Variants in VPS37A observed in about 807,000 individuals in gnomAD.
VPS37A encodes the protein VPS37A subunit of ESCRT-I, also known as vacuolar protein sorting-associated protein 37A.
In VPS37A, 30 loss-of-function variants were observed where a neutral mutation model predicts 49.8. That is an observed-to-expected ratio of 0.60 (90% CI 0.45 to 0.82). The LOEUF is 0.82. VPS37A is among the 40% of genes least tolerant of loss of function. The pLI, the probability that VPS37A is intolerant of heterozygous loss-of-function variation, is 0.00. For missense variants in VPS37A, 593 were observed against 464.4 expected, an observed-to-expected ratio of 1.28 and a Z score of -2.55; for synonymous variants, 195 against 160.6, an observed-to-expected ratio of 1.21 and a Z score of -1.62.
At chr8:17,328,981 T>C in the VPS37A span, among the ~76,000 whole-genome samples, 5 of 152,230 alleles carry the variant, frequency 3.3e-5, no homozygotes, top group Admixed American at 1.3e-4. Flanking sequence ...TAGATTTCAG[T>C]TTCTGATGAA....
chr8:17,248,598 T>G (rs1057003857), intron 1 of VPS37A, among the ~76,000 whole-genome samples: 29 of 152,184 alleles, frequency 1.9e-4, no homozygotes, highest in African/African-American at 6.8e-4. Flanking sequence ...AAAAATATTA[T>G]TTTCATACAG....
downstream of VPS37A, chr8:17,299,902 T>A: frequency 1.2e-6 from 2 of 1,614,158 alleles, no homozygotes; most frequent in Non-Finnish European, 1.7e-6. Flanking sequence ...ATCCCGGTCC[T>A]TGCCACTATC....
chr8:17,269,448 G>C (rs982882188), intron 4 of VPS37A, among the ~76,000 whole-genome samples: 1 of 151,948 alleles, frequency 6.6e-6, no homozygotes, highest in Non-Finnish European at 1.5e-5. Flanking sequence ...ATTTGGTTTG[G>C]TTTTGTTTTA....
intron 9 of VPS37A, among the ~76,000 whole-genome samples, chr8:17,280,706 C>T (rs1373712713): frequency 6.6e-6 from 1 of 151,864 alleles, no homozygotes; most frequent in East Asian, 1.9e-4. Flanking sequence ...AGTTATGAAA[C>T]CATTGTAACA....
intron 1 of VPS37A, among the ~76,000 whole-genome samples, chr8:17,265,519 C>G (rs1310172014): frequency 6.6e-6 from 1 of 152,188 alleles, no homozygotes; most frequent in African/African-American, 2.4e-5. Context: ...CCAGACTTCC[C>G]CAGCTGCCGA....
chr8:17,260,983 C>G (rs2150362299), intron 1 of VPS37A, among the ~76,000 whole-genome samples: 1 of 152,238 alleles, frequency 6.6e-6, no homozygotes, highest in South Asian at 2.1e-4. Flanking sequence ...GTGTATCTGA[C>G]CTTCCAGTAC....
the VPS37A span, chr8:17,326,495 C>T: frequency 6.6e-6 from 1 of 152,190 alleles, no homozygotes; most frequent in Non-Finnish European, 1.5e-5. Flanking sequence ...ACATCAGAAT[C>T]ACTACTCAAC....
the VPS37A span, among the ~76,000 whole-genome samples, chr8:17,315,711 AAAAAC>A: frequency 6.6e-6 from 1 of 152,174 alleles, no homozygotes; most frequent in Non-Finnish European, 1.5e-5. Context: ...CTTAAGAAAA[AAAAAC>A]AAAACAGAAA....
the VPS37A span, among the ~76,000 whole-genome samples, chr8:17,319,688 G>A: frequency 6.6e-6 from 1 of 152,130 alleles, no homozygotes. Flanking sequence ...TCTTGATTGT[G>A]GAAACCAATG....
At chr8:17,291,235 A>T (rs1816120391) in intron 11 of VPS37A, among the ~76,000 whole-genome samples, 1 of 150,646 alleles carries the variant, frequency 6.6e-6, no homozygotes, top group Non-Finnish European at 1.5e-5. Context: ...CTAGTCTTGA[A>T]CTCCTGACCT....
At chr8:17,256,190 C>T (rs1812430446) in intron 1 of VPS37A, among the ~76,000 whole-genome samples, 1 of 151,810 alleles carries the variant, frequency 6.6e-6, no homozygotes, top group Admixed American at 6.6e-5. Flanking sequence ...AATTTACATT[C>T]CCACCAGCAG....
chr8:17,263,851 G>A (rs1813188966), intron 1 of VPS37A, among the ~76,000 whole-genome samples: 1 of 152,240 alleles, frequency 6.6e-6, no homozygotes, highest in Admixed American at 6.5e-5. Flanking sequence ...TGAGGCAAGA[G>A]AATTGCTTGA....
intron 9 of VPS37A, among the ~76,000 whole-genome samples, chr8:17,284,179 A>G (rs1481610021): frequency 2.0e-5 from 3 of 152,230 alleles, no homozygotes; most frequent in Admixed American, 6.5e-5. Flanking sequence ...TCCTTAGCAT[A>G]TATCTACCAC....
chr8:17,331,209 T>C, the VPS37A span: 1 of 1,612,668 alleles, frequency 6.2e-7, no homozygotes, highest in African/African-American at 1.3e-5. Context: ...CCCGATAAAC[T>C]GAAACTTGAT....
the VPS37A span, among the ~76,000 whole-genome samples, chr8:17,328,295 C>T: frequency 6.6e-6 from 1 of 152,154 alleles, no homozygotes; most frequent in African/African-American, 2.4e-5. Flanking sequence ...TACACCTTTC[C>T]ACCTTCCTCT....
At position 17,284,495 on chromosome 8, in the gene VPS37A, A is replaced by T. The variant is rs1406395856; in HGVS notation, c.992A>T (p.Gln331Leu). Residue 331 changes from glutamine to leucine, a missense_variant, in exon 10 of 12, where the codon CAG (glutamine) becomes CTG (leucine). By Grantham distance (113) the Gln-to-Leu change is moderately radical (BLOSUM62 -2). Transcript: ENST00000324849. ...CAGAGCTGTAGTGCAAGTGCCCTTC[A>T]GGCAAGATTGAAAGTAGCTGCACAT... ...LSESCSASAL[Q>L]ARLKVAAHEA... is the part of the protein sequence containing the mutation. 1.3e-6 allele frequency: 2 copies of T among 1,593,994 alleles called. No individual in the cohort carries two copies. The highest frequency in any genetic ancestry group is 3.7e-5 in the Admixed American group (2 of 53,874).
At position 17,247,277 on chromosome 8, in the gene VPS37A, C is replaced by T. The variant is rs1811319386; in HGVS notation, c.33C>T (p.Ala11=). The change falls in exon 1 of 12, where the codon GCC becomes GCT. Residue 11 remains alanine (A), a synonymous_variant. Coordinates refer to ENST00000324849, the MANE Select transcript of VPS37A (RefSeq NM_152415.3). Reference sequence around the variant, plus strand: ...GGCTTTTTCCCCTGACCAAGAGCGCCTCCTCCTCCGCGGCTGGGTCCCCCG... The same window carrying T: ...GGCTTTTTCCCCTGACCAAGAGCGCTTCCTCCTCCGCGGCTGGGTCCCCCG... MSWLFPLTKS[A]SSSAAGSPGG... is the part of the protein sequence containing the mutation. The T allele has an allele frequency of 1.3e-6, 2 of 1,568,324 alleles. No homozygotes were observed. Among genetic ancestry groups the T allele is most frequent in the Non-Finnish European group, 1.7e-6 (2 of 1,156,688 alleles).
chr8:17,258,087 A>G (rs763501131), intron 1 of VPS37A, among the ~76,000 whole-genome samples: 2 of 152,042 alleles, frequency 1.3e-5, no homozygotes, highest in Non-Finnish European at 2.9e-5. Context: ...ACATTGTGTC[A>G]TCCGCGAACA....
chr8:17,274,448 T>G (rs1221408376), intron 4 of VPS37A, among the ~76,000 whole-genome samples: 1 of 152,126 alleles, frequency 6.6e-6, no homozygotes, highest in Admixed American at 6.6e-5. Context: ...ATGGCCTGTC[T>G]ATCCACTTCT....
Sources: gnomAD v4.1 joint callset for allele counts (sites outside exome capture counted in the v4.1 genomes callset) on GRCh38, gnomAD v4.1.1 for gene constraint, MANE v1.5 for transcripts, NCBI Gene and HGNC (gene_info 2026-07-23, HGNC 2026-07-21) for gene names.